Variants in JAK1 observed in about 807,000 individuals in gnomAD.
JAK1 encodes the protein Janus kinase 1.
JAK1 carries 16 observed loss-of-function variants against 136.6 expected under a neutral mutation model. The ratio of observed to expected loss-of-function variants is 0.12; its 90% CI spans 0.08 to 0.18. JAK1 has a LOEUF of 0.18. Among genes scored for constraint, JAK1 ranks in the 10% least tolerant of loss-of-function variants. JAK1 has a pLI of 1.00. For synonymous variants in JAK1, 492 were observed against 519.5 expected (o/e 0.95, Z 0.72); for missense variants, 859 against 1,450.1 (o/e 0.59, Z 6.62).
At chr1:64,916,190 A>G (rs1645393117) in intron 1 of JAK1, among the ~76,000 whole-genome samples, 1 of 152,244 alleles carries the variant, frequency 6.6e-6, no homozygotes, top group African/African-American at 2.4e-5. Flanking sequence ...GAAAAAAGCA[A>G]CTCAGAGAAA....
intron 1 of JAK1, among the ~76,000 whole-genome samples, chr1:64,951,220 T>G (rs1191040786): frequency 5.3e-5 from 8 of 152,224 alleles, no homozygotes; most frequent in Non-Finnish European, 5.9e-5. Flanking sequence ...GCAATATGTA[T>G]TCTCATAAGT....
At chr1:65,052,740 G>A (rs1262363831) in intron 1 of JAK1, among the ~76,000 whole-genome samples, 3 of 151,782 alleles carry the variant, frequency 2.0e-5, no homozygotes, top group Admixed American at 1.3e-4. Flanking sequence ...CGTGAACCCG[G>A]GAGGCAGAGC....
chr1:64,953,950 T>C (rs912999565), intron 1 of JAK1, among the ~76,000 whole-genome samples: 2 of 152,182 alleles, frequency 1.3e-5, no homozygotes, highest in African/African-American at 2.4e-5. Context: ...GCTGGGATTA[T>C]AGGCATGAGC....
intron 1 of JAK1, among the ~76,000 whole-genome samples, chr1:64,963,304 G>C (rs1646315928): frequency 6.6e-6 from 1 of 152,118 alleles, no homozygotes; most frequent in Admixed American, 6.5e-5. Flanking sequence ...AGCGAGTAGA[G>C]CATGAATGAC....
In JAK1 at chr1:64,919,579, G is replaced by A. The variant is rs2100357865; in HGVS notation, c.-77-33238C>T. ...ATGATATTTCTAGTTCTAGATCCCT[G>A]AGGAATCGCCACACTGTCTTCCACA... On this transcript the variant is annotated intron_variant, in intron 1 of 24. Transcript: ENST00000342505. Among the ~76,000 whole-genome samples the A allele has an allele frequency of 1.3e-5, 2 of 152,254 alleles. 1 individual carries two copies. Among genetic ancestry groups the A allele is most frequent in the South Asian group, 4.1e-4 (2 of 4,822 alleles).
intron 1 of JAK1, among the ~76,000 whole-genome samples, chr1:64,897,203 G>A (rs1161585327): frequency 1.3e-5 from 2 of 151,796 alleles, no homozygotes; most frequent in Admixed American, 6.6e-5. Context: ...GCCGAGGCGG[G>A]TGGATCACTT....
intron 8 of JAK1, among the ~76,000 whole-genome samples, chr1:64,863,229 C>CA (rs1198234616): frequency 6.7e-6 from 1 of 148,170 alleles, no homozygotes; most frequent in Non-Finnish European, 1.5e-5. Flanking sequence ...GCCTAATATC[C>CA]AGGATGCAGC....
intron 2 of JAK1, among the ~76,000 whole-genome samples, chr1:65,041,515 T>C (rs1193667810): frequency 6.6e-6 from 1 of 151,876 alleles, no homozygotes; most frequent in Admixed American, 6.6e-5. Context: ...CTGTGCTCTC[T>C]GTGTCGTCTC....
At position 64,897,474 on chromosome 1, in the gene JAK1, AGGGGGGGAGGGGGAGGG is replaced by A. The variant is rs1557673269; in HGVS notation, c.-77-11150_-77-11134del. Among the ~76,000 whole-genome samples the A allele has an allele frequency of 5.6e-3, 42 of 7,474 alleles. 2 individuals carry two copies. The highest frequency in any genetic ancestry group is 0.011 in the Non-Finnish European group (39 of 3,488). 4.9% of individuals were successfully genotyped at this position (7,474 alleles called of 152,430 possible). On this transcript the variant is annotated intron_variant, in intron 1 of 24. Coordinates refer to ENST00000342505, the MANE Select transcript of JAK1 (RefSeq NM_002227.4). The stretch of plus-strand genomic sequence containing the variant: ...AGGAGCAGGAGGACGAGGGAGGAGG[AGGGGGGGAGGGGGAGGG>A]GGGGAGGAGGAGGGGGGAGGGGGAG...
chr1:64,945,628 A>T (rs1031107179), intron 1 of JAK1, among the ~76,000 whole-genome samples: 1 of 152,142 alleles, frequency 6.6e-6, no homozygotes, highest in Non-Finnish European at 1.5e-5. Context: ...AATAGGTCCT[A>T]GAGATGAGAA....
chr1:65,046,338 G>C (rs550045625), intron 1 of JAK1, among the ~76,000 whole-genome samples: 18 of 152,318 alleles, frequency 1.2e-4, no homozygotes, highest in African/African-American at 4.3e-4. Context: ...GGACAAGCTG[G>C]AGGCCATGCC....
chr1:64,921,241 C>T (rs2100369365), intron 1 of JAK1, among the ~76,000 whole-genome samples: 1 of 152,226 alleles, frequency 6.6e-6, no homozygotes, highest in South Asian at 2.1e-4. Context: ...TTCTACCACA[C>T]TCCAAAATCC....
chr1:64,880,632 C>A (rs1458850095), intron 3 of JAK1, among the ~76,000 whole-genome samples: 3 of 152,166 alleles, frequency 2.0e-5, no homozygotes, highest in African/African-American at 7.2e-5. Context: ...CTAACATTTA[C>A]TGAGGGCTAA....
intron 3 of JAK1, among the ~76,000 whole-genome samples, chr1:64,881,886 G>A (rs1389637767): frequency 6.6e-6 from 1 of 152,106 alleles, no homozygotes; most frequent in Non-Finnish European, 1.5e-5. Context: ...GAAGCTTGGC[G>A]AAGAGAATAA....
In JAK1 at chr1:64,867,222, G is replaced by C. The variant is rs1305841342; in HGVS notation, c.648-14C>G. On this transcript the variant is annotated splice_polypyrimidine_tract_variant and intron_variant, in intron 6 of 24. Coordinates refer to ENST00000342505, the MANE Select transcript of JAK1 (RefSeq NM_002227.4). The stretch of plus-strand genomic sequence containing the variant: ...TATCGCTTGTAGCTAAAAGACAGTA[G>C]AAAAGTACATCTCCTTTTCATGTAC... 2 of 1,550,084 alleles carry C rather than the reference G, an allele frequency of 1.3e-6. No homozygotes were observed. The highest frequency in any genetic ancestry group is 2.3e-5 in the South Asian group (2 of 86,598).
intron 1 of JAK1, among the ~76,000 whole-genome samples, chr1:65,059,042 G>C (rs981159657): frequency 1.3e-5 from 2 of 151,502 alleles, no homozygotes; most frequent in Non-Finnish European, 2.9e-5. Flanking sequence ...TTTCTCATTT[G>C]GTTTTCACAA....
At chr1:64,850,679 A>G in intron 12 of JAK1, 125 bp downstream of exon 12, 1 of 675,610 alleles carries the variant, frequency 1.5e-6, no homozygotes, top group South Asian at 1.7e-5. Flanking sequence ...ATCAAAGGAA[A>G]GTCTCCCTGT....
intron 1 of JAK1, among the ~76,000 whole-genome samples, chr1:65,052,365 G>T (rs531308859): frequency 1.4e-4 from 21 of 152,142 alleles, no homozygotes; most frequent in African/African-American, 5.1e-4. Flanking sequence ...CATGCTTCAT[G>T]AAGAATTCTT....
intron 2 of JAK1, among the ~76,000 whole-genome samples, chr1:65,008,763 T>C (rs1646824410): frequency 6.6e-6 from 1 of 152,012 alleles, no homozygotes; most frequent in African/African-American, 2.4e-5. Flanking sequence ...TCACAGCTCA[T>C]TGCAGCCTCA....
Sources: gnomAD v4.1 joint callset for allele counts (sites outside exome capture counted in the v4.1 genomes callset) on GRCh38, gnomAD v4.1.1 for gene constraint, MANE v1.5 for transcripts, NCBI Gene and HGNC (gene_info 2026-07-23, HGNC 2026-07-21) for gene names.